TMEM38B: variants seen among roughly 807,000 people sequenced by gnomAD.
TMEM38B encodes transmembrane protein 38B, also known as trimeric intracellular cation channel type B.
In TMEM38B, 24 loss-of-function variants were observed where a neutral mutation model predicts 28.7. That is an observed-to-expected ratio of 0.84 (90% CI 0.61 to 1.18). The LOEUF is 1.18. TMEM38B is among the 50% of genes most tolerant of loss of function. The probability of loss-of-function intolerance (pLI) is 0.00; values close to 1 mark genes in which losing one functional copy is unlikely to be tolerated. For synonymous variants in TMEM38B, 131 were observed against 127.7 expected (o/e 1.03, Z -0.17); for missense variants, 380 against 350.9 (o/e 1.08, Z -0.66).
chr9:105,754,831 C>T (rs1451544932), intron 5 of TMEM38B, among the ~76,000 whole-genome samples: 2 of 152,058 alleles, frequency 1.3e-5, no homozygotes, highest in African/African-American at 4.8e-5. Flanking sequence ...TCAACAAATC[C>T]ATGAGCTGGT....
At chr9:105,727,749 C>T (rs1324879820) in intron 4 of TMEM38B, among the ~76,000 whole-genome samples, 2 of 152,204 alleles carry the variant, frequency 1.3e-5, no homozygotes, top group East Asian at 3.9e-4. Flanking sequence ...AAATGTGATT[C>T]CCAATGTTGG....
rs138130898 is a variant in TMEM38B, at chr9:105,763,416, C to T, written c.661-10449C>T. 9.6e-3 allele frequency among the ~76,000 whole-genome samples: 1,461 copies of T among 152,270 alleles called. 22 individuals are homozygous for T. The highest frequency in any genetic ancestry group is 0.033 in the African/African-American group (1,383 of 41,544). On this transcript the variant is annotated intron_variant, in intron 5 of 5. Transcript: ENST00000374692. ...GGTCTAACGTTTAGCACCAATCCCA[C>T]AGAAATACAAACTACCATCAGAGAA...
intron 4 of TMEM38B, among the ~76,000 whole-genome samples, chr9:105,747,076 T>A (rs1230067563): frequency 6.6e-6 from 1 of 152,242 alleles, no homozygotes. Context: ...GGTATCAGGA[T>A]GATGCTGGCC....
intron 4 of TMEM38B, among the ~76,000 whole-genome samples, chr9:105,745,968 G>A (rs1263520040): frequency 6.6e-6 from 1 of 152,136 alleles, no homozygotes; most frequent in Non-Finnish European, 1.5e-5. Context: ...GTACCATGCT[G>A]TTTTGGTTAC....
At chr9:105,721,805 A>AAAGT in intron 3 of TMEM38B, 84 bp downstream of exon 3, 1 of 1,040,974 alleles carries the variant, frequency 9.6e-7, no homozygotes, top group Non-Finnish European at 1.4e-6. Context: ...TAGTTACATT[A>AAAGT]ATGGATCACA....
At chr9:105,746,626 T>C (rs1390678272) in intron 4 of TMEM38B, among the ~76,000 whole-genome samples, 1 of 151,894 alleles carries the variant, frequency 6.6e-6, no homozygotes, top group African/African-American at 2.4e-5. Flanking sequence ...TGAATAGGAG[T>C]GGTGAGAGAG....
intron 5 of TMEM38B, among the ~76,000 whole-genome samples, chr9:105,773,263 A>T (rs1588485494): frequency 6.6e-6 from 1 of 152,292 alleles, no homozygotes; most frequent in East Asian, 1.9e-4. Context: ...TTATATAAAA[A>T]TATATGTGGA....
At position 105,705,863 on chromosome 9, in the gene TMEM38B, A is replaced by G. The variant is rs1305810362; in HGVS notation, c.269+110A>G. 8 of 1,185,598 alleles carry G rather than the reference A, an allele frequency of 6.7e-6. No individual in the cohort carries two copies. The East Asian group carries it at 2.0e-4, about 29-fold the overall frequency. 73.4% of individuals were successfully genotyped at this position (1,185,598 alleles called of 1,614,324 possible). On this transcript the variant is annotated intron_variant, in intron 2 of 5. Coordinates refer to ENST00000374692, the MANE Select transcript of TMEM38B (RefSeq NM_018112.3). The stretch of plus-strand genomic sequence containing the variant: ...CAATATTTTACGTGCTTGAAAAGTT[A>G]ATGCATCTGCAAGGAAGGAACCCAA...
At chr9:105,711,709 A>G (rs560661417) in intron 2 of TMEM38B, among the ~76,000 whole-genome samples, 1 of 151,500 alleles carries the variant, frequency 6.6e-6, no homozygotes, top group African/African-American at 2.4e-5. Context: ...AGTCCCAGCT[A>G]TTTGGAAGGC....
chr9:105,740,751 TAAG>T (rs1485512660), intron 4 of TMEM38B, among the ~76,000 whole-genome samples: 1 of 152,198 alleles, frequency 6.6e-6, no homozygotes, highest in Non-Finnish European at 1.5e-5. Context: ...CTCCAAGTTT[TAAG>T]AAGTAAAATA....
chr9:105,704,330 G>A (rs146401238), intron 1 of TMEM38B, among the ~76,000 whole-genome samples: 214 of 152,234 alleles, frequency 1.4e-3, no homozygotes, highest in African/African-American at 4.9e-3. Context: ...TCAGGATGCT[G>A]AGGTTGCTGT....
chr9:105,705,901 G>GT (rs1564386435), intron 2 of TMEM38B, 148 bp downstream of exon 2: 169 of 746,168 alleles, frequency 2.3e-4, no homozygotes, highest in East Asian at 2.0e-3. Context: ...AATGCTAAGG[G>GT]GTTTTTTTTT....
chr9:105,759,655 A>G, intron 5 of TMEM38B: 1 of 1,602,776 alleles, frequency 6.2e-7, no homozygotes, highest in African/African-American at 1.3e-5. Flanking sequence ...ATCTTTTCCA[A>G]ACATAGAAGG....
chr9:105,747,241 C>T (rs1452122624), intron 4 of TMEM38B, among the ~76,000 whole-genome samples: 2 of 152,208 alleles, frequency 1.3e-5, no homozygotes, highest in East Asian at 3.9e-4. Flanking sequence ...TTAATTATTG[C>T]CTCAATTTCA....
rs182286941 is a variant in TMEM38B at position 105,775,564 on chromosome 9, T to C, written c.*1484T>C. On this transcript the variant is annotated 3_prime_UTR_variant, in exon 6 of 6. Coordinates refer to ENST00000374692, the MANE Select transcript of TMEM38B (RefSeq NM_018112.3). ...CAGATACTATTACTTGCTTAAAAAA[T>C]TGGGAGGGGGCACTTTTCATAGTCT... 1 of 152,088 alleles carries C rather than the reference T, an allele frequency of 6.6e-6. No individual in the cohort carries two copies. Among genetic ancestry groups the C allele is most frequent in the Non-Finnish European group, 1.5e-5 (1 of 67,946 alleles). The allele number at this position is 152,088 out of a possible 1,614,324, so 9.4% of individuals were successfully genotyped here. A position where few individuals can be genotyped will look rare whatever the true frequency, so the allele number is the denominator to read the frequency against.
intron 2 of TMEM38B, among the ~76,000 whole-genome samples, chr9:105,720,537 A>ATC (rs1233267868): frequency 1.3e-5 from 2 of 152,076 alleles, no homozygotes; most frequent in Non-Finnish European, 2.9e-5. Flanking sequence ...GGAGATGAAG[A>ATC]AGAAAGGGTG....
chr9:105,776,378 A>T lies in TMEM38B; in HGVS notation c.*2298A>T, dbSNP rs1397577146. 1 of 152,170 alleles carries T rather than the reference A, an allele frequency of 6.6e-6. No homozygotes were observed. Among genetic ancestry groups the T allele is most frequent in the East Asian group, 1.9e-4 (1 of 5,192 alleles). 9.4% of individuals were successfully genotyped at this position (152,170 alleles called of 1,614,324 possible). A position where few individuals can be genotyped will look rare whatever the true frequency, so the allele number is the denominator to read the frequency against. ...CAGATATGTGGAGTTGTTGGCTTTCAGTGGAAATGGTAGCCTCCCTGTGGG... is the reference window on the plus strand; with the variant it reads ...CAGATATGTGGAGTTGTTGGCTTTCTGTGGAAATGGTAGCCTCCCTGTGGG... On this transcript the variant is annotated 3_prime_UTR_variant, in exon 6 of 6. Coordinates refer to ENST00000374692, the MANE Select transcript of TMEM38B (RefSeq NM_018112.3).
At chr9:105,732,507 A>T (rs566119640) in intron 4 of TMEM38B, among the ~76,000 whole-genome samples, 1 of 152,206 alleles carries the variant, frequency 6.6e-6, no homozygotes, top group African/African-American at 2.4e-5. Flanking sequence ...GAAGGGATGC[A>T]GTTTCTGTTT....
chr9:105,707,978 A>G (rs1835741379), intron 2 of TMEM38B, among the ~76,000 whole-genome samples: 2 of 152,218 alleles, frequency 1.3e-5, no homozygotes, highest in South Asian at 4.1e-4. Flanking sequence ...CTGAAACTAT[A>G]CAAAAAGGAA....
Sources: allele counts gnomAD v4.1 joint callset (sites outside exome capture counted in the v4.1 genomes callset), GRCh38; gene constraint gnomAD v4.1.1; transcripts MANE v1.5; gene names NCBI Gene and HGNC (gene_info 2026-07-23, HGNC 2026-07-21).